Variants in MACROD2 observed in about 807,000 individuals in gnomAD.
MACROD2 encodes the protein ADP-ribose glycohydrolase MACROD2.
A neutral mutation model predicts 70.4 loss-of-function variants in MACROD2; 36 were observed. That is an observed-to-expected ratio of 0.51 (90% CI 0.39 to 0.68). MACROD2 has a LOEUF of 0.68. Ranked by LOEUF, MACROD2 falls within the 30% of genes least tolerant of loss-of-function variation. MACROD2 has a pLI of 0.00. For missense variants in MACROD2, 496 were observed against 538.4 expected (o/e 0.92, Z 0.78); for synonymous variants, 172 against 178.8 (o/e 0.96, Z 0.30).
At chr20:15,876,173 G>A (rs1006399163) in intron 9 of MACROD2, among the ~76,000 whole-genome samples, 1 of 145,216 alleles carries the variant, frequency 6.9e-6, no homozygotes, top group African/African-American at 2.7e-5. Flanking sequence ...GTGCAGGTTT[G>A]TTACATATGT....
At chr20:15,047,584 T>A (rs2075404993) in intron 5 of MACROD2, among the ~76,000 whole-genome samples, 1 of 152,210 alleles carries the variant, frequency 6.6e-6, no homozygotes, top group East Asian at 1.9e-4. Flanking sequence ...ATAAGAGAAC[T>A]TGAGTTAGAG....
chr20:14,775,467 G>C lies in MACROD2; in HGVS notation c.418+90508G>C, dbSNP rs1205958374. On this transcript the variant is annotated intron_variant, in intron 5 of 17. Transcript: ENST00000684519. The stretch of plus-strand genomic sequence containing the variant: ...TTTGACATGATGAGAGAGGAAGCAA[G>C]AGAAAGAGAGGGAGTACCATATTCT... 2.0e-5 allele frequency among the ~76,000 whole-genome samples: 3 copies of C among 152,016 alleles called. No homozygotes were observed. The South Asian group carries it at 6.2e-4, about 31-fold the overall frequency.
rs541415177 is a variant in MACROD2, at chr20:15,637,955, A to G, written c.645+138108A>G. ...TGGTTGTTTCTCTGTTGGGTGTGTG[A>G]TGTCCAAATTTAATTAAAGGCCATG... On this transcript the variant is annotated intron_variant, in intron 8 of 17. Coordinates refer to ENST00000684519, the MANE Select transcript of MACROD2 (RefSeq NM_001351661.2). Among the ~76,000 whole-genome samples, 51 of 152,316 alleles carry G rather than the reference A, an allele frequency of 3.3e-4. 1 individual carries two copies. The highest frequency in any genetic ancestry group is 2.7e-3 in the Admixed American group (41 of 15,294).
chr20:15,773,503 T>G (rs990233776), intron 8 of MACROD2, among the ~76,000 whole-genome samples: 1 of 152,096 alleles, frequency 6.6e-6, no homozygotes, highest in African/African-American at 2.4e-5. Flanking sequence ...AGGCACAGCT[T>G]TCATCTAAAA....
chr20:15,825,468 T>A (rs1274870068), intron 8 of MACROD2, among the ~76,000 whole-genome samples: 1 of 151,004 alleles, frequency 6.6e-6, no homozygotes, highest in Non-Finnish European at 1.5e-5. Flanking sequence ...ACCCATCCAA[T>A]TGTAGACATG....
chr20:15,185,974 C>A (rs1352722221), intron 5 of MACROD2, among the ~76,000 whole-genome samples: 1 of 152,130 alleles, frequency 6.6e-6, no homozygotes, highest in Non-Finnish European at 1.5e-5. Flanking sequence ...GCCTAGGAAT[C>A]AAACTTGGAG....
rs186417263 is a variant in MACROD2 at position 14,836,222 on chromosome 20, T to G, written c.418+151263T>G. On this transcript the variant is annotated intron_variant, in intron 5 of 17. Transcript: ENST00000684519. ...TTTTACTTCTACTGCAGAGGAGGCT[T>G]TCAGTTTGCTGTTACGCTGTAATAC... is the stretch of plus-strand genomic sequence containing the variant. 5.8e-4 allele frequency among the ~76,000 whole-genome samples: 89 copies of G among 152,196 alleles called. 2 individuals carry two copies. The highest frequency in any genetic ancestry group is 1.3e-3 in the Admixed American group (20 of 15,270).
At chr20:14,861,674 C>T (rs1468653568) in intron 5 of MACROD2, among the ~76,000 whole-genome samples, 2 of 151,658 alleles carry the variant, frequency 1.3e-5, no homozygotes, top group South Asian at 2.1e-4. Flanking sequence ...CCCTCCCACA[C>T]ACAACCCCAG....
chr20:14,870,549 C>T (rs2073476013), intron 5 of MACROD2, among the ~76,000 whole-genome samples: 1 of 152,130 alleles, frequency 6.6e-6, no homozygotes, highest in Admixed American at 6.6e-5. Flanking sequence ...AACTAATTTA[C>T]ACTTCCACTA....
At chr20:14,423,755 ATTTTTTTTT>A (rs1165796772) in intron 3 of MACROD2, among the ~76,000 whole-genome samples, 2 of 63,088 alleles carry the variant, frequency 3.2e-5, no homozygotes, top group African/African-American at 1.2e-4. Flanking sequence ...GACATCTTAA[ATTTTTTTTT>A]TTTTTTTTTT....
At chr20:15,897,838 G>A (rs559504745) in intron 10 of MACROD2, among the ~76,000 whole-genome samples, 1 of 152,000 alleles carries the variant, frequency 6.6e-6, no homozygotes, top group East Asian at 1.9e-4. Flanking sequence ...TATTGATTCT[G>A]CAAACTTCTG....
chr20:15,156,363 A>G (rs1447419134), intron 5 of MACROD2, among the ~76,000 whole-genome samples: 3 of 152,194 alleles, frequency 2.0e-5, no homozygotes. Context: ...ATGCAAAATT[A>G]TTACTTTTCA....
At position 14,030,096 on chromosome 20, in the gene MACROD2, G is replaced by A. The variant is rs563565042; in HGVS notation, c.163+27692G>A. ...CACCTAGATTGGAGTACAGTGATGCGATCTTAGCTCACTGCAGCCTCCAAC... is the reference window on the plus strand; with the variant it reads ...CACCTAGATTGGAGTACAGTGATGCAATCTTAGCTCACTGCAGCCTCCAAC... On this transcript the variant is annotated intron_variant, in intron 2 of 17. Transcript: ENST00000684519. Among the ~76,000 whole-genome samples, 172 of 152,264 alleles carry A rather than the reference G, an allele frequency of 1.1e-3. 2 individuals are homozygous for A. The highest frequency in any genetic ancestry group is 3.8e-3 in the African/African-American group (156 of 41,546).
At chr20:15,301,591 CTTTTTTTTTT>C (rs71340214) in intron 6 of MACROD2, among the ~76,000 whole-genome samples, 2 of 81,250 alleles carry the variant, frequency 2.5e-5, no homozygotes, top group African/African-American at 9.4e-5. Flanking sequence ...GGTAGGTGGC[CTTTTTTTTTT>C]TTTTTTTTTT....
In MACROD2 at chr20:14,831,908, T is replaced by C. The variant is rs2072972307; in HGVS notation, c.418+146949T>C. 1.3e-5 allele frequency among the ~76,000 whole-genome samples: 2 copies of C among 148,534 alleles called. 1 individual carries two copies. Among genetic ancestry groups the C allele is most frequent in the Non-Finnish European group, 3.0e-5 (2 of 67,188 alleles). On this transcript the variant is annotated intron_variant, in intron 5 of 17. Transcript: ENST00000684519. ...GCTGTTGTGTAAGCTTCACGTTTGG[T>C]GATTGTTATGTTCTTGGGGATGCAT... is the stretch of plus-strand genomic sequence containing the variant.
At chr20:14,538,640 G>C (rs1382966461) in intron 4 of MACROD2, among the ~76,000 whole-genome samples, 1 of 151,982 alleles carries the variant, frequency 6.6e-6, no homozygotes, top group African/African-American at 2.4e-5. Context: ...TATTCCAGGC[G>C]CATAAGGAAC....
intron 7 of MACROD2, among the ~76,000 whole-genome samples, chr20:15,492,234 T>C (rs1156408417): frequency 6.6e-6 from 1 of 152,128 alleles, no homozygotes; most frequent in African/African-American, 2.4e-5. Context: ...TTGATTTCAT[T>C]GCACTATCAG....
At chr20:15,124,409 A>G (rs6043105) in intron 5 of MACROD2, among the ~76,000 whole-genome samples, 90,125 of 149,502 alleles carry the variant, frequency 0.6, 29,056 homozygotes, top group East Asian at 0.87. Context: ...AGATAGGAAT[A>G]AAAGTCATTT....
At chr20:15,039,824 G>A (rs1251429838) in intron 5 of MACROD2, among the ~76,000 whole-genome samples, 1 of 152,094 alleles carries the variant, frequency 6.6e-6, no homozygotes, top group Non-Finnish European at 1.5e-5. Context: ...CATCCCTTTT[G>A]TTTTCAAAAC....
Sources: allele counts gnomAD v4.1 joint callset (sites outside exome capture counted in the v4.1 genomes callset), GRCh38; gene constraint gnomAD v4.1.1; transcripts MANE v1.5; gene names NCBI Gene and HGNC (gene_info 2026-07-23, HGNC 2026-07-21).